The following FBXO16 variants were observed in gnomAD, a reference collection of about 807,000 sequenced individuals.
The protein encoded by FBXO16 is F-box protein 16.
In FBXO16, 31 loss-of-function variants were observed where a neutral mutation model predicts 41.0. The ratio of observed to expected loss-of-function variants is 0.76; its 90% CI spans 0.57 to 1.02. FBXO16 has a LOEUF of 1.02. Ranked by LOEUF, FBXO16 falls within the 50% of genes least tolerant of loss-of-function variation. The pLI is 0.00. For synonymous variants in FBXO16, 133 were observed against 117.8 expected, an observed-to-expected ratio of 1.13 and a Z score of -0.84; for missense variants, 361 against 346.2, an observed-to-expected ratio of 1.04 and a Z score of -0.34.
At chr8:28,440,221 G>C (rs576797470) in intron 7 of FBXO16, among the ~76,000 whole-genome samples, 1 of 152,106 alleles carries the variant, frequency 6.6e-6, no homozygotes, top group Non-Finnish European at 1.5e-5. Context: ...TCCTACCTCA[G>C]CCTTCCAAGT....
intron 4 of FBXO16, among the ~76,000 whole-genome samples, chr8:28,457,159 A>G (rs888520995): frequency 6.6e-6 from 1 of 152,216 alleles, no homozygotes; most frequent in Non-Finnish European, 1.5e-5. Context: ...TTAGAATCAG[A>G]GTCAATTAAC....
intron 3 of FBXO16, among the ~76,000 whole-genome samples, chr8:28,470,877 T>C (rs536248998): frequency 6.6e-6 from 1 of 152,336 alleles, no homozygotes; most frequent in African/African-American, 2.4e-5. Context: ...GTTTTCCTTG[T>C]TTCTCTTTTG....
At chr8:28,429,127 T>A (rs7836874) in intron 8 of FBXO16, among the ~76,000 whole-genome samples, 5,751 of 152,250 alleles carry the variant, frequency 0.038, 288 homozygotes, top group East Asian at 0.22. Flanking sequence ...AGTATTGACA[T>A]CATTCCCATA....
intron 6 of FBXO16, 56 bp downstream of exon 6, chr8:28,452,188 T>C: frequency 1.3e-6 from 2 of 1,503,766 alleles, no homozygotes; most frequent in South Asian, 2.4e-5. Flanking sequence ...TATACTGAAA[T>C]GCCAATAAAT....
At chr8:28,439,246 A>G (rs1802728978) in intron 7 of FBXO16, among the ~76,000 whole-genome samples, 1 of 152,212 alleles carries the variant, frequency 6.6e-6, no homozygotes, top group South Asian at 2.1e-4. Context: ...TGAGGCCTAG[A>G]GAGGTTAAGT....
At chr8:28,458,857 GT>G (rs907547007) in intron 4 of FBXO16, among the ~76,000 whole-genome samples, 60 of 152,198 alleles carry the variant, frequency 3.9e-4, no homozygotes, top group African/African-American at 1.4e-3. Flanking sequence ...TTGTTTAAAG[GT>G]AGAGAGGAAT....
chr8:28,451,564 T>C (rs1027015745), intron 6 of FBXO16, among the ~76,000 whole-genome samples: 4 of 151,426 alleles, frequency 2.6e-5, no homozygotes, highest in Non-Finnish European at 5.9e-5. Flanking sequence ...ATTTTATATA[T>C]ATATATTACA....
chr8:28,453,938 T>A (rs1368559558), intron 5 of FBXO16, among the ~76,000 whole-genome samples: 2 of 151,166 alleles, frequency 1.3e-5, no homozygotes, highest in Non-Finnish European at 2.9e-5. Context: ...CCGAGGAGGG[T>A]GGATCACATG....
At chr8:28,433,696 C>T (rs1224777045) in intron 7 of FBXO16, among the ~76,000 whole-genome samples, 2 of 152,176 alleles carry the variant, frequency 1.3e-5, no homozygotes, top group African/African-American at 4.8e-5. Context: ...ACCAATGCTT[C>T]CTTCTTCTTT....
chr8:28,460,727 C>T (rs9644141), intron 4 of FBXO16, among the ~76,000 whole-genome samples: 51,193 of 151,624 alleles, frequency 0.34, 9,590 homozygotes, highest in East Asian at 0.64. Context: ...TGCGCCTGGC[C>T]GACCTGACTA....
intron 7 of FBXO16, among the ~76,000 whole-genome samples, chr8:28,433,572 C>T (rs549515940): frequency 2.6e-5 from 4 of 152,142 alleles, no homozygotes; most frequent in Non-Finnish European, 5.9e-5. Flanking sequence ...CTTCCTGGGC[C>T]GGAAGCTCTC....
intron 7 of FBXO16, 71 bp downstream of exon 7, chr8:28,447,100 G>T: frequency 7.3e-7 from 1 of 1,371,184 alleles, no homozygotes; most frequent in Non-Finnish European, 1.0e-6. Flanking sequence ...ATTCAATTTT[G>T]CAAATAGGAT....
chr8:28,474,158 T>C (rs527852205), intron 2 of FBXO16, among the ~76,000 whole-genome samples: 2 of 151,366 alleles, frequency 1.3e-5, no homozygotes, highest in African/African-American at 4.8e-5. Context: ...ACTCTATCTC[T>C]ACAAAAATAC....
intron 7 of FBXO16, among the ~76,000 whole-genome samples, chr8:28,441,910 A>ATGTGTGTGTGTG (rs1175392833): frequency 1.0e-4 from 11 of 107,894 alleles, no homozygotes; most frequent in African/African-American, 4.6e-4. Context: ...GTATATATAT[A>ATGTGTGTGTGTG]TGTGTGTGTG....
chr8:28,443,970 G>A (rs1417035325), intron 7 of FBXO16, among the ~76,000 whole-genome samples: 3 of 152,018 alleles, frequency 2.0e-5, no homozygotes, highest in African/African-American at 4.8e-5. Context: ...CATAAAAATC[G>A]GCAACCAGCA....
intron 3 of FBXO16, among the ~76,000 whole-genome samples, chr8:28,467,678 C>T (rs1294848784): frequency 4.6e-5 from 7 of 152,160 alleles, no homozygotes; most frequent in Non-Finnish European, 7.3e-5. Context: ...TCTACTTTCC[C>T]GCTGTCCCCA....
chr8:28,432,128 AGTGTGTGTGTGTGTGTGTGTGT>A (rs56917233), intron 7 of FBXO16, among the ~76,000 whole-genome samples: 1 of 142,812 alleles, frequency 7.0e-6, no homozygotes, highest in Admixed American at 7.1e-5. Context: ...CTATGTATGG[AGTGTGTGTGTGTGTGTGTGTGT>A]GTGTGTGTGT....
intron 7 of FBXO16, among the ~76,000 whole-genome samples, chr8:28,437,627 C>T (rs1029782016): frequency 1.3e-5 from 2 of 152,196 alleles, no homozygotes; most frequent in Non-Finnish European, 2.9e-5. Flanking sequence ...CATCCCAGTG[C>T]TCGGGGAGGC....
intron 5 of FBXO16, among the ~76,000 whole-genome samples, chr8:28,454,422 T>C (rs1381684375): frequency 6.6e-6 from 1 of 151,460 alleles, no homozygotes; most frequent in Admixed American, 6.6e-5. Context: ...ATGCTAGTAG[T>C]TATATGTAAA....
Sources: gnomAD v4.1 joint callset for allele counts (sites outside exome capture counted in the v4.1 genomes callset) on GRCh38, gnomAD v4.1.1 for gene constraint, MANE v1.5 for transcripts, NCBI Gene and HGNC (gene_info 2026-07-23, HGNC 2026-07-21) for gene names.